Variants in PLEKHG1 observed in about 807,000 individuals in gnomAD.
PLEKHG1 encodes the protein pleckstrin homology domain-containing family G member 1.
In PLEKHG1, 44 loss-of-function variants were observed where a neutral mutation model predicts 100.8. The observed-to-expected ratio is 0.44, with a 90% CI of 0.34 to 0.56. The LOEUF (loss-of-function observed/expected upper bound fraction) is 0.56. Ranked by LOEUF, PLEKHG1 falls within the 20% of genes least tolerant of loss-of-function variation. The pLI is 0.01. For missense variants in PLEKHG1, 1,545 were observed against 1,720.9 expected (o/e 0.90, Z 1.81); for synonymous variants, 640 against 662.5 (o/e 0.97, Z 0.52).
At chr6:150,663,711 GC>G (rs1157049589) in intron 3 of PLEKHG1, 1 of 151,888 alleles carries the variant, frequency 6.6e-6, no homozygotes, top group Non-Finnish European at 1.5e-5. Context: ...CCGCCACCAC[GC>G]CTAGCTAGTT....
chr6:150,683,033 C>T lies in PLEKHG1; in HGVS notation c.-99+32247C>T, dbSNP rs1040339476. On this transcript the variant is annotated intron_variant, in intron 3 of 3. Coordinates refer to the PLEKHG1 transcript ENST00000367326. This position sits in a 1 kb window ranked among gnomAD's most constrained non-coding sequence, Gnocchi z 4.0. ...CATACTTAATGCTGATGGCTTCGTGCGCATCTTAACAGTTGACAACTACAT... is the reference window on the plus strand; with the variant it reads ...CATACTTAATGCTGATGGCTTCGTGTGCATCTTAACAGTTGACAACTACAT... 1.3e-5 allele frequency among the ~76,000 whole-genome samples: 2 copies of T among 152,202 alleles called. No homozygotes were observed. The highest frequency in any genetic ancestry group is 2.1e-4 in the South Asian group (1 of 4,832).
At position 150,809,753 on chromosome 6, in the gene PLEKHG1, C is replaced by G. The variant is rs755848539; in HGVS notation, c.1278+19C>G. 1 of 1,565,466 alleles carries G rather than the reference C, an allele frequency of 6.4e-7. No homozygotes were observed. The highest frequency in any genetic ancestry group is 2.2e-5 in the East Asian group (1 of 44,642). On this transcript the variant is annotated intron_variant, in intron 10 of 15. Coordinates refer to ENST00000358517, the Ensembl canonical transcript of PLEKHG1. Reference sequence around the variant, plus strand: ...AGCTAAGGTAGGACACTGAATAATGCACAGTGAAATGGGAGAGAGATACAA... The same window carrying G: ...AGCTAAGGTAGGACACTGAATAATGGACAGTGAAATGGGAGAGAGATACAA...
chr6:150,830,626 G>A (rs76807130), exon 15 of PLEKHG1: 41,740 of 1,610,808 alleles, frequency 0.026, 657 homozygotes, highest in Non-Finnish European at 0.031. Flanking sequence ...CAGCAAGGCC[G>A]TCTCCTGCCC....
intron 2 of PLEKHG1, among the ~76,000 whole-genome samples, chr6:150,744,366 G>A (rs1401097959): frequency 6.6e-6 from 1 of 152,098 alleles, no homozygotes; most frequent in African/African-American, 2.4e-5. Context: ...GAGCCACCGC[G>A]CCTGGCCCCT....
At chr6:150,744,466 A>C (rs1276756894) in intron 2 of PLEKHG1, among the ~76,000 whole-genome samples, 1 of 152,216 alleles carries the variant, frequency 6.6e-6, no homozygotes, top group Non-Finnish European at 1.5e-5. Flanking sequence ...GTTAAAAAAA[A>C]CAAATTATTA....
At chr6:150,774,672 C>A (rs1435871535) in intron 3 of PLEKHG1, among the ~76,000 whole-genome samples, 1 of 150,300 alleles carries the variant, frequency 6.7e-6, no homozygotes, top group Non-Finnish European at 1.5e-5. Flanking sequence ...TCCCAAGTAG[C>A]TGGGACTACA....
chr6:150,677,582 C>A (rs894612400), intron 3 of PLEKHG1, among the ~76,000 whole-genome samples: 3 of 152,108 alleles, frequency 2.0e-5, no homozygotes, highest in Non-Finnish European at 4.4e-5. Flanking sequence ...CACTTATGTT[C>A]ACACACCTGA....
At chr6:150,832,294 T>C in intron 15 of PLEKHG1, 89 bp downstream of exon 16, 1 of 1,041,072 alleles carries the variant, frequency 9.6e-7, no homozygotes, top group Non-Finnish European at 1.4e-6. Flanking sequence ...GACACACCTG[T>C]GAGAACACTG....
intron 3 of PLEKHG1, among the ~76,000 whole-genome samples, chr6:150,772,227 T>A (rs532413701): frequency 1.3e-4 from 20 of 152,358 alleles, no homozygotes; most frequent in African/African-American, 4.6e-4. Context: ...AGAAGAGATG[T>A]GCAGAATTGG....
At chr6:150,711,229 C>T (rs1781230955) in intron 3 of PLEKHG1, among the ~76,000 whole-genome samples, 1 of 152,054 alleles carries the variant, frequency 6.6e-6, no homozygotes, top group Admixed American at 6.6e-5. Flanking sequence ...AGGGTGGTGA[C>T]AGTGTTAAGT....
At chr6:150,689,131 G>A (rs1443810388) in intron 3 of PLEKHG1, among the ~76,000 whole-genome samples, 1 of 152,148 alleles carries the variant, frequency 6.6e-6, no homozygotes, top group Non-Finnish European at 1.5e-5. Flanking sequence ...TTTTGTATGA[G>A]TGGAATTATC....
intron 1 of PLEKHG1, 80 bp from the exon 3 acceptor site, chr6:150,733,504 G>A: frequency 8.0e-7 from 1 of 1,246,100 alleles, no homozygotes; most frequent in Non-Finnish European, 1.1e-6. Flanking sequence ...ATTTATTTGA[G>A]CTAGGTTTTT....
chr6:150,622,733 G>GC (rs1777352995), intron 1 of PLEKHG1, among the ~76,000 whole-genome samples: 2 of 152,186 alleles, frequency 1.3e-5, no homozygotes, highest in African/African-American at 4.8e-5. Flanking sequence ...TCTGCCCTAG[G>GC]TTCATTTCGT....
chr6:150,717,869 AG>A (rs999223918), upstream of PLEKHG1, among the ~76,000 whole-genome samples: 1 of 152,158 alleles, frequency 6.6e-6, no homozygotes, highest in African/African-American at 2.4e-5. Flanking sequence ...TGAGATCAGG[AG>A]TTGGAGACCC....
chr6:150,719,203 C>A (rs2128608328), upstream of PLEKHG1, among the ~76,000 whole-genome samples: 1 of 152,256 alleles, frequency 6.6e-6, no homozygotes, highest in African/African-American at 2.4e-5. Context: ...CCACCATCCA[C>A]ACACACAGCA....
chr6:150,799,040 G>A (rs1014173651), intron 5 of PLEKHG1, among the ~76,000 whole-genome samples: 4 of 151,388 alleles, frequency 2.6e-5, no homozygotes, highest in Non-Finnish European at 1.5e-5. Context: ...TGTGCCTGGT[G>A]AGAAAGTTGT....
chr6:150,839,938 T>A, exon 16 of PLEKHG1: 1 of 1,614,032 alleles, frequency 6.2e-7, no homozygotes, highest in Non-Finnish European at 8.5e-7. Context: ...GAATCCTCCC[T>A]CCTGAGGTCT....
intron 4 of PLEKHG1, among the ~76,000 whole-genome samples, chr6:150,793,821 C>G (rs77912329): frequency 0.032 from 4,921 of 152,284 alleles, 152 homozygotes; most frequent in Admixed American, 0.094. Flanking sequence ...GTGGCTCATG[C>G]CTGCAATCCC....
intron 14 of PLEKHG1, among the ~76,000 whole-genome samples, chr6:150,823,998 A>G (rs1164485717): frequency 6.6e-6 from 1 of 152,100 alleles, no homozygotes; most frequent in Non-Finnish European, 1.5e-5. Context: ...GAGCCACCTC[A>G]CATTGTCCTT....
Sources: gnomAD v4.1 joint callset for allele counts (sites outside exome capture counted in the v4.1 genomes callset) on GRCh38, gnomAD v4.1.1 for gene constraint, Gnocchi (gnomAD v3.1) non-coding constraint, MANE v1.5 for transcripts, NCBI Gene and HGNC (gene_info 2026-07-23, HGNC 2026-07-21) for gene names.